C2CD5: variants seen among roughly 807,000 people sequenced by gnomAD.
C2CD5 encodes C2 calcium dependent domain containing 5.
C2CD5 carries 109 observed loss-of-function variants against 130.3 expected under a neutral mutation model. The ratio of observed to expected loss-of-function variants is 0.84; its 90% CI spans 0.72 to 0.98. The LOEUF (loss-of-function observed/expected upper bound fraction) is 0.98, where lower values mean the gene tolerates loss of function less well. C2CD5 is among the 50% of genes least tolerant of loss of function. The probability of loss-of-function intolerance (pLI) is 0.00; values close to 1 mark genes in which losing one functional copy is unlikely to be tolerated. For missense variants in C2CD5, 996 were observed against 1,261.8 expected (o/e 0.79, Z 3.19); for synonymous variants, 454 against 429.2 (o/e 1.06, Z -0.71).
In C2CD5 at chr12:22,535,294, G is replaced by C. The variant is rs571140627; in HGVS notation, c.141C>G (p.Leu47=). 3 of 1,607,724 alleles carry C rather than the reference G, an allele frequency of 1.9e-6. No homozygotes were observed. The highest frequency in any genetic ancestry group is 2.6e-6 in the Non-Finnish European group (3 of 1,174,778). Reference sequence around the variant, plus strand: ...ACCACTCCGAGTTCCACTGAGGGTTGAGTGACTTAAGGTACACATCTGTTT... The same window carrying C: ...ACCACTCCGAGTTCCACTGAGGGTTCAGTGACTTAAGGTACACATCTGTTT... The part of the protein sequence containing the change: ...TFKTDVYLKS[L]NPQWNSEWFK... Residue 47 remains leucine (L), a synonymous_variant, in exon 3 of 27, where the codon CTC becomes CTG. Transcript: ENST00000446597.
chr12:22,536,188 T>C (rs577976475), intron 2 of C2CD5, among the ~76,000 whole-genome samples: 5 of 151,610 alleles, frequency 3.3e-5, no homozygotes, highest in Admixed American at 2.6e-4. Flanking sequence ...TATGTCTGTA[T>C]ATGCGCACAT....
intron 3 of C2CD5, among the ~76,000 whole-genome samples, chr12:22,529,408 G>A (rs1244494981): frequency 6.6e-6 from 1 of 151,986 alleles, no homozygotes; most frequent in Non-Finnish European, 1.5e-5. Flanking sequence ...TTAACCACCT[G>A]TACATTCACC....
chr12:22,458,551 T>C lies in C2CD5; in HGVS notation c.2619A>G (p.Arg873=), dbSNP rs1399930835. The C allele has an allele frequency of 1.5e-6, 2 of 1,302,270 alleles. No individual in the cohort carries two copies. The highest frequency in any genetic ancestry group is 3.0e-5 in the East Asian group (1 of 33,538). The allele number at this position is 1,302,270 out of a possible 1,614,324, so 80.7% of individuals were successfully genotyped here. The change falls in exon 24 of 27, where the codon AGA becomes AGG. Residue 873 remains arginine (R), a synonymous_variant. Transcript: ENST00000446597. ...TAATGAGCTCTATCCAGCTGCTGCA[T>C]CTGTCTGCAAAGGAACTGTAATCAA... The part of the protein sequence containing the change: ...TSVDYSSFAD[R]CSSWIELIKL...
chr12:22,541,303 TGGA>T (rs541263839), intron 2 of C2CD5, among the ~76,000 whole-genome samples: 1 of 152,308 alleles, frequency 6.6e-6, no homozygotes, highest in African/African-American at 2.4e-5. Flanking sequence ...TCCATCACCT[TGGA>T]TAACATTACC....
chr12:22,539,690 T>C (rs1952160116), intron 2 of C2CD5, among the ~76,000 whole-genome samples: 2 of 152,182 alleles, frequency 1.3e-5, no homozygotes, highest in African/African-American at 4.8e-5. Context: ...GATAATCACA[T>C]GGGTAAGAAA....
chr12:22,516,078 A>G (rs1401972955), intron 8 of C2CD5, among the ~76,000 whole-genome samples: 1 of 151,700 alleles, frequency 6.6e-6, no homozygotes, highest in African/African-American at 2.4e-5. Flanking sequence ...TTCTCAGTCT[A>G]AATGTTATTA....
chr12:22,518,166 G>A, intron 7 of C2CD5, 29 bp from the exon 8 acceptor site: 1 of 1,609,712 alleles, frequency 6.2e-7, no homozygotes, highest in Non-Finnish European at 8.5e-7. Flanking sequence ...GAAATATTAA[G>A]TAATCATGTG....
Position 22,482,598 on chromosome 12 carries a change from TTC to T in C2CD5, c.1694_1695del (p.Arg565AsnfsTer7). On this transcript the variant is annotated frameshift_variant, in exon 14 of 27. Transcript: ENST00000446597. LOFTEE classifies it high-confidence loss of function. ...ATATTTTCACCCACTGTGATCTGAA[TTC>T]TTAGTCCAAACAAAGCATTCATTCC... ...LKGMNALFGL[R>X]IQITVGENML... 1 of 1,613,898 alleles carries T rather than the reference TTC, an allele frequency of 6.2e-7. No individual in the cohort carries two copies. Among genetic ancestry groups the T allele is most frequent in the Non-Finnish European group, 8.5e-7 (1 of 1,179,880 alleles).
intron 9 of C2CD5, among the ~76,000 whole-genome samples, chr12:22,510,074 G>A (rs112999125): frequency 7.2e-5 from 11 of 152,066 alleles, no homozygotes; most frequent in South Asian, 4.2e-4. Flanking sequence ...TTGTAGTGGC[G>A]GACGCCTGTA....
At chr12:22,452,462 C>G (rs981364993) in intron 26 of C2CD5, among the ~76,000 whole-genome samples, 5 of 152,094 alleles carry the variant, frequency 3.3e-5, no homozygotes, top group Non-Finnish European at 7.4e-5. Flanking sequence ...CAAATCTTAT[C>G]AATAAGCTAG....
In C2CD5 at chr12:22,543,936, G is replaced by A. The variant is rs892140201; in HGVS notation, c.90+125C>T. ...GCGGTCATCCCTCGTGGGAGAGCTG[G>A]ACAACCACGGCCGAAGGGAGGGCAG... On this transcript the variant is annotated intron_variant, in intron 2 of 26. Coordinates refer to ENST00000446597, the MANE Select transcript of C2CD5 (RefSeq NM_001286176.2). 7.0e-6 allele frequency: 5 copies of A among 710,066 alleles called. No individual in the cohort carries two copies. The African/African-American group carries it at 7.1e-5, about 10-fold the overall frequency. The allele number at this position is 710,066 out of a possible 1,614,324, so 44.0% of individuals were successfully genotyped here. A position where few individuals can be genotyped will look rare whatever the true frequency, so the allele number is the denominator to read the frequency against.
At chr12:22,523,299 C>A in intron 7 of C2CD5, 127 bp downstream of exon 7, 1 of 628,862 alleles carries the variant, frequency 1.6e-6, no homozygotes, top group Admixed American at 3.2e-5. Flanking sequence ...TTTTGACAGT[C>A]ATCACCAATA....
chr12:22,532,305 G>A (rs184036114), intron 3 of C2CD5, among the ~76,000 whole-genome samples: 5 of 151,280 alleles, frequency 3.3e-5, no homozygotes, highest in South Asian at 4.2e-4. Flanking sequence ...CCTCCAGCCT[G>A]GGCAACGGGA....
rs975785920 is a variant in C2CD5 at position 22,533,906 on chromosome 12, C to A, written c.177+1352G>T. Among the ~76,000 whole-genome samples the A allele has an allele frequency of 1.2e-4, 19 of 152,296 alleles. No individual in the cohort carries two copies. In the East Asian group the frequency reaches 3.3e-3, roughly 26 times the overall value. On this transcript the variant is annotated intron_variant, in intron 3 of 26. Transcript: ENST00000446597. ...TCTACATACATGAATGAAGTTGGGG[C>A]CACGTGTGGTGGCTAACGCCTGTAA...
At chr12:22,534,066 T>C (rs1592028167) in intron 3 of C2CD5, among the ~76,000 whole-genome samples, 1 of 152,180 alleles carries the variant, frequency 6.6e-6, no homozygotes. Flanking sequence ...CGCATGCCTG[T>C]AATCCCAGCT....
intron 8 of C2CD5, among the ~76,000 whole-genome samples, chr12:22,513,785 A>G (rs1054459656): frequency 6.6e-6 from 1 of 152,146 alleles, no homozygotes; most frequent in African/African-American, 2.4e-5. Context: ...GTAAATATAG[A>G]GACAAAAGCA....
chr12:22,543,383 C>T (rs1426903321), intron 2 of C2CD5, among the ~76,000 whole-genome samples: 1 of 152,218 alleles, frequency 6.6e-6, no homozygotes, highest in Non-Finnish European at 1.5e-5. Context: ...TACCTCAAGG[C>T]GCTAAATTAC....
At chr12:22,525,197 T>C (rs1950618951) in intron 5 of C2CD5, among the ~76,000 whole-genome samples, 1 of 152,140 alleles carries the variant, frequency 6.6e-6, no homozygotes, top group Non-Finnish European at 1.5e-5. Flanking sequence ...AGTCAACTAC[T>C]TAGGGATTTC....
Position 22,525,530 on chromosome 12 carries a change from G to T in C2CD5, c.445+80C>A. ...ACCAAGTACAATAGCTTTTCTACTTGCCTTCTGAAATGTTAACTTGATTTC... is the reference window on the plus strand; with the variant it reads ...ACCAAGTACAATAGCTTTTCTACTTTCCTTCTGAAATGTTAACTTGATTTC... On this transcript the variant is annotated intron_variant, in intron 5 of 26. Transcript: ENST00000446597. 3.8e-6 allele frequency: 3 copies of T among 785,300 alleles called. No individual in the cohort carries two copies. The South Asian group carries it at 4.4e-5, about 11-fold the overall frequency. 48.6% of individuals were successfully genotyped at this position (785,300 alleles called of 1,614,324 possible).
Sources: allele counts gnomAD v4.1 joint callset (sites outside exome capture counted in the v4.1 genomes callset), GRCh38; gene constraint gnomAD v4.1.1; transcripts MANE v1.5; gene names NCBI Gene and HGNC (gene_info 2026-07-23, HGNC 2026-07-21).